The following AQP1 variants were observed in gnomAD, a reference collection of about 807,000 sequenced individuals.
AQP1 encodes the protein aquaporin-1.
AQP1 carries 11 observed loss-of-function variants against 19.7 expected under a neutral mutation model. The ratio of observed to expected loss-of-function variants is 0.56; its 90% CI spans 0.35 to 0.92. The LOEUF is 0.92. Among genes scored for constraint, AQP1 ranks in the 40% least tolerant of loss-of-function variants. The pLI is 0.01. For missense variants in AQP1, 320 were observed against 369.7 expected (o/e 0.87, Z 1.10); for synonymous variants, 159 against 166.7 (o/e 0.95, Z 0.36).
rs1267145084 is a variant in AQP1 at position 30,922,115 on chromosome 7, G to C, written c.434G>C (p.Gly145Ala). The change falls in exon 2 of 4, where the codon GGG becomes GCG. Residue 145 changes from glycine to alanine, a missense_variant. Physicochemically the swap from Gly to Ala is moderately conservative, Grantham distance 60. Transcript: ENST00000311813. The part of the protein sequence containing the change: ...SGQGLGIEII[G>A]TLQLVLCVLA... ...CAGGGCCTGGGCATCGAGATCATCGGGACCCTCCAGCTGGTGCTATGCGTG... is the reference window on the plus strand; with the variant it reads ...CAGGGCCTGGGCATCGAGATCATCGCGACCCTCCAGCTGGTGCTATGCGTG... 8.7e-6 allele frequency: 14 copies of C among 1,614,078 alleles called. No individual in the cohort carries two copies. The highest frequency in any genetic ancestry group is 1.2e-5 in the Non-Finnish European group (14 of 1,180,018).
At chr7:30,922,354 G>T in intron 2 of AQP1, 124 bp downstream of exon 2, 1 of 1,434,658 alleles carries the variant, frequency 7.0e-7, no homozygotes, top group Non-Finnish European at 9.4e-7. Flanking sequence ...AGGATGGCGG[G>T]TCAGCGCTGG....
rs1791639233 is a variant in AQP1 at position 30,925,002 on chromosome 7, C to G, written c.*1373C>G. The G allele has an allele frequency of 6.6e-6, 1 of 152,238 alleles. No homozygotes were observed. Among genetic ancestry groups the G allele is most frequent in the African/African-American group, 2.4e-5 (1 of 41,432 alleles). The allele number at this position is 152,238 out of a possible 1,614,324, so 9.4% of individuals were successfully genotyped here. A position where few individuals can be genotyped will look rare whatever the true frequency, so the allele number is the denominator to read the frequency against. ...AAGGCTGGATTCTATCTACATAAGTCCTTTCAATTCCACCAGGGCCAGAGC... is the reference window on the plus strand; with the variant it reads ...AAGGCTGGATTCTATCTACATAAGTGCTTTCAATTCCACCAGGGCCAGAGC... On this transcript the variant is annotated 3_prime_UTR_variant, in exon 4 of 4. Transcript: ENST00000311813.
In AQP1 at chr7:30,923,017, G is replaced by T. The variant is rs997257448; in HGVS notation, c.630+373G>T. ...GGATATGGTGGTGCCCACCTCTCAG[G>T]GTGGCCGAGAAGAGGAAAGGGCTCA... On this transcript the variant is annotated intron_variant, in intron 3 of 3. Transcript: ENST00000311813. This position sits in a 1 kb window ranked among gnomAD's most constrained non-coding sequence, Gnocchi z 4.8. Among the ~76,000 whole-genome samples, 3 of 152,250 alleles carry T rather than the reference G, an allele frequency of 2.0e-5. No individual in the cohort carries two copies. Among genetic ancestry groups the T allele is most frequent in the African/African-American group, 7.2e-5 (3 of 41,464 alleles).
In AQP1 at chr7:30,922,326, G is replaced by A. The variant is rs558842915; in HGVS notation, c.549+96G>A. On this transcript the variant is annotated intron_variant, in intron 2 of 3. Transcript: ENST00000311813. ...GGCAGCCAGTGGGACTCCCGACAGG[G>A]CTCTTGCCATTGGGTGGAGGATGGC... The A allele has an allele frequency of 1.1e-5, 17 of 1,489,526 alleles. No homozygotes were observed. The African/African-American group carries it at 2.1e-4, about 18-fold the overall frequency. The allele number at this position is 1,489,526 out of a possible 1,614,324, so 92.3% of individuals were successfully genotyped here.
chr7:30,914,519 G>T (rs559139841), intron 1 of AQP1, among the ~76,000 whole-genome samples: 35 of 152,334 alleles, frequency 2.3e-4, no homozygotes, highest in Non-Finnish European at 3.4e-4. Context: ...ACAGTGGAAG[G>T]GTGGGGTTCA....
At chr7:30,921,874 G>T (rs758602553) in intron 1 of AQP1, 192 bp from the exon 2 acceptor site, 74 of 1,536,458 alleles carry the variant, frequency 4.8e-5, no homozygotes, top group Middle Eastern at 3.4e-4. Flanking sequence ...ATTAACACAG[G>T]GGGTGGGTTC....
chr7:30,922,199 G>T lies in AQP1; in HGVS notation c.518G>T (p.Gly173Val). The change falls in exon 2 of 4, where the codon GGC becomes GTC. Residue 173 changes from glycine (G) to valine (V), a missense_variant. By Grantham distance (109) the Gly-to-Val change is moderately radical. Coordinates refer to ENST00000311813, the MANE Select transcript of AQP1 (RefSeq NM_198098.4). ...GGTGGCTCAGCCCCCCTTGCCATCG[G>T]CCTCTCTGTAGCCCTTGGACACCTC... is the stretch of plus-strand genomic sequence containing the variant. ...DLGGSAPLAI[G>V]LSVALGHLLA... The T allele has an allele frequency of 6.2e-7, 1 of 1,610,538 alleles. No individual in the cohort carries two copies.
At chr7:30,914,119 A>G (rs1791247771) in intron 1 of AQP1, among the ~76,000 whole-genome samples, 1 of 152,156 alleles carries the variant, frequency 6.6e-6, no homozygotes, top group Non-Finnish European at 1.5e-5. Context: ...GCCATCTGGA[A>G]CAGAGGCCAC....
chr7:30,921,424 G>A, intron 1 of AQP1: 1 of 1,433,428 alleles, frequency 7.0e-7, no homozygotes, highest in Non-Finnish European at 9.1e-7. Context: ...GACAGGGAGG[G>A]CAGGGCCAGA....
intron 1 of AQP1, among the ~76,000 whole-genome samples, chr7:30,920,148 G>T (rs1281167505): frequency 1.3e-5 from 2 of 152,202 alleles, no homozygotes; most frequent in Non-Finnish European, 2.9e-5. Context: ...ATCTGTGAGG[G>T]ATGGGGCTGG....
rs554943661 is a variant in AQP1, at chr7:30,917,613, C to T, written c.385-4453C>T. ...CATCAGACATACCAGTGCAAACACA[C>T]AGCACAGCCTCCAGGACCTCATGTC... On this transcript the variant is annotated intron_variant, in intron 1 of 3. Transcript: ENST00000311813. 5.3e-5 allele frequency among the ~76,000 whole-genome samples: 8 copies of T among 152,314 alleles called. No individual in the cohort carries two copies. The East Asian group carries it at 1.3e-3, about 26-fold the overall frequency.
chr7:30,922,412 G>C, intron 2 of AQP1, 152 bp from the exon 3 acceptor site: 2 of 1,270,116 alleles, frequency 1.6e-6, no homozygotes, highest in Non-Finnish European at 2.3e-6. Context: ...GGGACCTCCT[G>C]CCCAGCTTGG....
chr7:30,921,157 C>T lies in AQP1; in HGVS notation c.385-909C>T, dbSNP rs1448552623. 6 of 529,902 alleles carry T rather than the reference C, an allele frequency of 1.1e-5. No individual in the cohort carries two copies. In the East Asian group the frequency reaches 6.8e-4, roughly 60 times the overall value. 32.8% of individuals were successfully genotyped at this position (529,902 alleles called of 1,614,324 possible). A position where few individuals can be genotyped will look rare whatever the true frequency, so the allele number is the denominator to read the frequency against. ...GGTCCATCTCCCCTGTGTGAGTGCA[C>T]TTAGCCCCTGGGACGGCCACAAAGC... On this transcript the variant is annotated intron_variant, in intron 1 of 3. Coordinates refer to ENST00000311813, the MANE Select transcript of AQP1 (RefSeq NM_198098.4).
chr7:30,913,852 AG>A (rs1791239092), intron 1 of AQP1, among the ~76,000 whole-genome samples: 1 of 151,044 alleles, frequency 6.6e-6, no homozygotes, highest in African/African-American at 2.4e-5. Flanking sequence ...CTGCCCCCCC[AG>A]GCCTCAGTTG....
At chr7:30,922,952 C>A (rs766612649) in intron 3 of AQP1, among the ~76,000 whole-genome samples, 1 of 152,228 alleles carries the variant, frequency 6.6e-6, no homozygotes, top group Non-Finnish European at 1.5e-5. Context: ...CATGACCTTG[C>A]GCAGTGTGCT....
At chr7:30,919,633 A>C (rs1174184239) in intron 1 of AQP1, among the ~76,000 whole-genome samples, 1 of 151,110 alleles carries the variant, frequency 6.6e-6, no homozygotes, top group Non-Finnish European at 1.5e-5. Context: ...ATATATGTAC[A>C]TATATATAAA....
chr7:30,917,241 G>T (rs1791381989), intron 1 of AQP1, among the ~76,000 whole-genome samples: 1 of 152,170 alleles, frequency 6.6e-6, no homozygotes, highest in African/African-American at 2.4e-5. Context: ...GCTCTTACGT[G>T]GAGGACACAC....
intron 1 of AQP1, among the ~76,000 whole-genome samples, chr7:30,913,972 T>C (rs1584380043): frequency 6.6e-6 from 1 of 151,150 alleles, no homozygotes; most frequent in Admixed American, 6.6e-5. Flanking sequence ...TGTAGGGGAG[T>C]GGATGTGATT....
rs969753504 is a variant in AQP1, at chr7:30,923,166, A to G, written c.631-284A>G. ...GACAATGGTCTCTGGGGCCCTTCCA[A>G]AGCTGGGAGTGTGGGGGCAGTGGCC... On this transcript the variant is annotated intron_variant, in intron 3 of 3. Transcript: ENST00000311813. This position sits in a 1 kb window ranked among gnomAD's most constrained non-coding sequence, Gnocchi z 4.8. Among the ~76,000 whole-genome samples the G allele has an allele frequency of 2.0e-5, 3 of 152,184 alleles. No individual in the cohort carries two copies. Among genetic ancestry groups the G allele is most frequent in the Admixed American group, 2.0e-4 (3 of 15,286 alleles).
Sources: gnomAD v4.1 joint callset for allele counts (sites outside exome capture counted in the v4.1 genomes callset) on GRCh38, gnomAD v4.1.1 for gene constraint, Gnocchi (gnomAD v3.1) non-coding constraint, MANE v1.5 for transcripts, NCBI Gene and HGNC (gene_info 2026-07-23, HGNC 2026-07-21) for gene names.